GPBP1L1: variants seen among roughly 807,000 people sequenced by gnomAD.
GPBP1L1 encodes GC-rich promoter binding protein 1 like 1.
A neutral mutation model predicts 52.5 loss-of-function variants in GPBP1L1; 23 were observed. The observed-to-expected ratio is 0.44, with a 90% CI of 0.32 to 0.62. The LOEUF (loss-of-function observed/expected upper bound fraction) is 0.62, where lower values mean the gene tolerates loss of function less well. Among genes scored for constraint, GPBP1L1 ranks in the 20% least tolerant of loss-of-function variants. The probability of loss-of-function intolerance (pLI) is 0.06; values close to 1 mark genes in which losing one functional copy is unlikely to be tolerated. For synonymous variants in GPBP1L1, 243 were observed against 203.1 expected, an observed-to-expected ratio of 1.20 and a Z score of -1.67; for missense variants, 596 against 579.3, an observed-to-expected ratio of 1.03 and a Z score of -0.30.
At chr1:45,658,993 AT>A in intron 4 of GPBP1L1, 34 bp downstream of exon 4, 1 of 1,415,124 alleles carries the variant, frequency 7.1e-7, no homozygotes, top group Non-Finnish European at 1.0e-6. Flanking sequence ...ACCCTCTCAT[AT>A]TTGAGAAGTT....
intron 8 of GPBP1L1, among the ~76,000 whole-genome samples, chr1:45,635,877 C>G (rs1194821211): frequency 5.9e-5 from 9 of 152,176 alleles, no homozygotes; most frequent in Non-Finnish European, 1.3e-4. Flanking sequence ...CTTTCTAGCA[C>G]TTTCTTCTCT....
intron 12 of GPBP1L1, 122 bp downstream of exon 12, chr1:45,629,454 T>TTTCCCCCCCCCCCCCC: frequency 3.5e-5 from 4 of 115,396 alleles, no homozygotes; most frequent in South Asian, 9.7e-5. Flanking sequence ...ACTAAGGTAA[T>TTTCCCCCCCCCCCCCC]CCCCCCCCCC....
intron 2 of GPBP1L1, among the ~76,000 whole-genome samples, chr1:45,677,181 C>T (rs1481574270): frequency 6.7e-6 from 1 of 150,282 alleles, no homozygotes; most frequent in Non-Finnish European, 1.5e-5. Flanking sequence ...ACTAAAAATA[C>T]AAAAATTAGC....
chr1:45,685,335 C>G (rs564252575), intron 2 of GPBP1L1, among the ~76,000 whole-genome samples: 1 of 152,202 alleles, frequency 6.6e-6, no homozygotes, highest in Admixed American at 6.5e-5. Flanking sequence ...AAGAACACGA[C>G]TTACTACTAA....
chr1:45,662,478 G>GC, intron 2 of GPBP1L1, among the ~76,000 whole-genome samples: 1 of 152,196 alleles, frequency 6.6e-6, no homozygotes, highest in South Asian at 2.1e-4. Flanking sequence ...AAGAATTTTT[G>GC]CATCTATGGG....
chr1:45,649,067 G>A (rs570004086), intron 6 of GPBP1L1, among the ~76,000 whole-genome samples: 21 of 152,240 alleles, frequency 1.4e-4, no homozygotes, highest in African/African-American at 4.3e-4. Context: ...TTTTCACTGC[G>A]ACCTGCTGCA....
intron 10 of GPBP1L1, among the ~76,000 whole-genome samples, chr1:45,631,389 T>C (rs1473365415): frequency 1.3e-5 from 2 of 152,026 alleles, no homozygotes; most frequent in South Asian, 2.1e-4. Flanking sequence ...CAGCCTCCCA[T>C]GTAGCTGTGA....
intron 1 of GPBP1L1, among the ~76,000 whole-genome samples, chr1:45,686,108 G>T (rs1379809001): frequency 6.6e-6 from 1 of 152,214 alleles, no homozygotes; most frequent in Non-Finnish European, 1.5e-5. Flanking sequence ...GCCTGGAGAG[G>T]AGCCAAAGAG....
At chr1:45,678,056 G>C (rs987133138) in intron 2 of GPBP1L1, among the ~76,000 whole-genome samples, 1 of 152,096 alleles carries the variant, frequency 6.6e-6, no homozygotes, top group African/African-American at 2.4e-5. Flanking sequence ...AAAGAAGCCA[G>C]ACACAAAAGA....
chr1:45,681,140 A>G (rs6662572), intron 2 of GPBP1L1, among the ~76,000 whole-genome samples: 27,976 of 152,170 alleles, frequency 0.18, 2,960 homozygotes, highest in Non-Finnish European at 0.24. Context: ...TTAGCATCTC[A>G]AACGAGAGTA....
At position 45,640,217 on chromosome 1, in the gene GPBP1L1, G is replaced by A. The variant is rs1644653312; in HGVS notation, c.737C>T (p.Pro246Leu). Residue 246 changes from proline to leucine, a missense_variant, in exon 8 of 13, where the codon CCT (proline) becomes CTT (leucine). Physicochemically the swap from Pro to Leu is moderately conservative, Grantham distance 98 (BLOSUM62 -3). Transcript: ENST00000355105. The stretch of plus-strand genomic sequence containing the variant: ...CCTGATTCTAAATCATACCTTGGAA[G>A]GAGGTGGTACAGGCTTAGGAACCAG... ...KNLVPKPVPP[P>L]SKPNAWKANR... is the part of the protein sequence containing the mutation. 1 of 1,612,050 alleles carries A rather than the reference G, an allele frequency of 6.2e-7. No individual in the cohort carries two copies. The highest frequency in any genetic ancestry group is 8.5e-7 in the Non-Finnish European group (1 of 1,178,364).
chr1:45,630,847 G>A, intron 10 of GPBP1L1: 1 of 471,414 alleles, frequency 2.1e-6, no homozygotes, highest in South Asian at 2.2e-5. Context: ...TAAAACCAGA[G>A]TACTGATATT....
intron 6 of GPBP1L1, among the ~76,000 whole-genome samples, chr1:45,643,121 C>T (rs1054754963): frequency 2.6e-5 from 4 of 152,284 alleles, no homozygotes; most frequent in Admixed American, 6.5e-5. Flanking sequence ...AAGAGAAGTG[C>T]TATCAGAAAA....
chr1:45,667,403 G>A (rs1312846064), intron 2 of GPBP1L1, among the ~76,000 whole-genome samples: 1 of 151,750 alleles, frequency 6.6e-6, no homozygotes, highest in Non-Finnish European at 1.5e-5. Context: ...CCAACTTATC[G>A]GGCACCTCAT....
At chr1:45,639,825 C>T (rs1644647404) in intron 8 of GPBP1L1, among the ~76,000 whole-genome samples, 1 of 151,970 alleles carries the variant, frequency 6.6e-6, no homozygotes, top group Admixed American at 6.5e-5. Flanking sequence ...TTGCAGTGAG[C>T]TGAGATCGTG....
At chr1:45,644,826 A>C (rs1367056840) in intron 6 of GPBP1L1, among the ~76,000 whole-genome samples, 2 of 152,218 alleles carry the variant, frequency 1.3e-5, no homozygotes, top group African/African-American at 4.8e-5. Flanking sequence ...TACAAGATGC[A>C]AAAACAATGA....
chr1:45,662,911 C>A (rs1644963292), intron 2 of GPBP1L1, among the ~76,000 whole-genome samples: 1 of 151,902 alleles, frequency 6.6e-6, no homozygotes, highest in Admixed American at 6.6e-5. Context: ...ATTAGCCAGG[C>A]ATGGTGGTGC....
At chr1:45,684,893 C>T (rs1645260591) in intron 2 of GPBP1L1, among the ~76,000 whole-genome samples, 2 of 152,156 alleles carry the variant, frequency 1.3e-5, no homozygotes, top group African/African-American at 2.4e-5. Flanking sequence ...AACTGACTCC[C>T]TAGGAAAGAT....
chr1:45,642,013 G>A (rs1644681108), intron 7 of GPBP1L1, among the ~76,000 whole-genome samples: 1 of 152,024 alleles, frequency 6.6e-6, no homozygotes, highest in African/African-American at 2.4e-5. Context: ...GTAAAACCCT[G>A]TCTGGACTAA....
Sources: allele counts gnomAD v4.1 joint callset (sites outside exome capture counted in the v4.1 genomes callset), GRCh38; gene constraint gnomAD v4.1.1; transcripts MANE v1.5; gene names NCBI Gene and HGNC (gene_info 2026-07-23, HGNC 2026-07-21).